The following PON2 variants were observed in gnomAD, a reference collection of about 807,000 sequenced individuals.
The protein encoded by PON2 is paraoxonase 2, also known as serum paraoxonase/arylesterase 2.
PON2 carries 27 observed loss-of-function variants against 36.6 expected under a neutral mutation model. That is an observed-to-expected ratio of 0.74 (90% CI 0.54 to 1.02). The LOEUF is 1.02. Among genes scored for constraint, PON2 ranks in the 50% least tolerant of loss-of-function variants. PON2 has a pLI of 0.00. For missense variants in PON2, 363 were observed against 421.1 expected (o/e 0.86, Z 1.21); for synonymous variants, 149 against 156.3 (o/e 0.95, Z 0.35).
chr7:95,416,186 C>T, intron 3 of PON2, 56 bp downstream of exon 3: 5 of 1,611,258 alleles, frequency 3.1e-6, no homozygotes, highest in Admixed American at 3.3e-5. Flanking sequence ...CTGCAGCCCT[C>T]ATCAAATACC....
Position 95,410,003 on chromosome 7 carries a change from T to A in PON2, c.593A>T (p.Asn198Ile). Reference protein sequence around the residue: ...PFLKYLETYLNLHWANVVYYS... With the variant: ...PFLKYLETYLILHWANVVYYS... The stretch of plus-strand genomic sequence containing the variant: ...GTAAACAACATTTGCCCAGTGTAAG[T>A]TCAAGTATGTTTCTAAATACTTTAA... The change falls in exon 6 of 9, where the codon AAC becomes ATC. Residue 198 changes from asparagine (N) to isoleucine (I), a missense_variant. Asn to Ile is a moderately radical substitution (Grantham distance 149). Transcript: ENST00000222572. 1.2e-6 allele frequency: 2 copies of A among 1,613,764 alleles called. No homozygotes were observed. Among genetic ancestry groups the A allele is most frequent in the Non-Finnish European group, 1.7e-6 (2 of 1,179,786 alleles).
Position 95,410,082 on chromosome 7 carries a change from C to G in PON2, c.514G>C (p.Val172Leu), listed in dbSNP as rs17876152. 3,340 of 1,613,490 alleles carry G rather than the reference C, an allele frequency of 2.1e-3. 58 individuals carry two copies. In the African/African-American group the frequency reaches 0.036, roughly 17 times the overall value. ...LLPSVNDITAVGPAHFYATND... is the reference protein window; with the variant it reads ...LLPSVNDITALGPAHFYATND... ...GTGGCATAGAAATGTGCCGGTCCAA[C>G]AGCTGTGATGTCATTCACACTGAAA... The change falls in exon 6 of 9, where the codon GTT becomes CTT. Residue 172 changes from valine to leucine, a missense_variant. Val to Leu is a conservative substitution (Grantham distance 32). Coordinates refer to ENST00000222572, the MANE Select transcript of PON2 (RefSeq NM_000305.3).
In PON2 at chr7:95,406,151, C is replaced by T. The variant is rs773638997; in HGVS notation, c.874G>A (p.Val292Met). Residue 292 changes from valine (V) to methionine (M), a missense_variant, in exon 8 of 9, where the codon GTG becomes ATG. Transcript: ENST00000222572. ...GCHPNGQKLF[V>M]YDPNNPPSSE... ...GAGGGAGGATTGTTCGGGTCATACACGAAGAGCTTCTGGCCATTAGGATGA... is the reference window on the plus strand; with the variant it reads ...GAGGGAGGATTGTTCGGGTCATACATGAAGAGCTTCTGGCCATTAGGATGA... The T allele has an allele frequency of 5.6e-6, 9 of 1,613,672 alleles. No individual in the cohort carries two copies. In the Admixed American group the frequency reaches 6.7e-5, roughly 12 times the overall value.
intron 1 of PON2, among the ~76,000 whole-genome samples, chr7:95,432,228 A>T (rs562053093): frequency 1.1e-4 from 16 of 152,268 alleles, no homozygotes; most frequent in African/African-American, 3.9e-4. Flanking sequence ...TGGGCAACAA[A>T]GTGAGACCCT....
chr7:95,417,998 C>T (rs1789110469), intron 2 of PON2, among the ~76,000 whole-genome samples: 1 of 151,808 alleles, frequency 6.6e-6, no homozygotes, highest in African/African-American at 2.4e-5. Flanking sequence ...TAAAAAAATA[C>T]ATTTATTTCA....
chr7:95,411,925 T>C, intron 4 of PON2, 146 bp from the exon 5 acceptor site: 1 of 868,912 alleles, frequency 1.2e-6, no homozygotes, highest in Non-Finnish European at 1.8e-6. Flanking sequence ...GTCTTTCCTA[T>C]TGCTGTCCGT....
chr7:95,429,208 G>A (rs1475735531), intron 1 of PON2, among the ~76,000 whole-genome samples: 28 of 108,252 alleles, frequency 2.6e-4, no homozygotes, highest in Admixed American at 1.5e-3. Flanking sequence ...AAGAGGCCCC[G>A]GTGTGTGATG....
chr7:95,417,842 C>CTTACACAT (rs1585754719), intron 2 of PON2, among the ~76,000 whole-genome samples: 7 of 83,156 alleles, frequency 8.4e-5, no homozygotes, highest in African/African-American at 1.4e-4. Context: ...CAAGTATACA[C>CTTACACAT]GTGGAAAAAG....
chr7:95,406,960 G>T, intron 7 of PON2, 27 bp downstream of exon 7: 1 of 1,316,866 alleles, frequency 7.6e-7, no homozygotes, highest in South Asian at 1.2e-5. Flanking sequence ...ATAGATTACT[G>T]TCTATATGTA....
chr7:95,421,933 T>A (rs1176371010), intron 2 of PON2, among the ~76,000 whole-genome samples: 3 of 152,226 alleles, frequency 2.0e-5, no homozygotes, highest in Non-Finnish European at 2.9e-5. Flanking sequence ...TGAATGTGGT[T>A]ACAACTATGA....
chr7:95,433,001 C>G (rs1369639155), intron 1 of PON2, among the ~76,000 whole-genome samples: 2 of 152,190 alleles, frequency 1.3e-5, no homozygotes, highest in African/African-American at 4.8e-5. Flanking sequence ...TGTCTGCTCT[C>G]TATTCTAGTA....
intron 1 of PON2, among the ~76,000 whole-genome samples, chr7:95,430,975 A>G (rs1360335418): frequency 6.6e-6 from 1 of 151,542 alleles, no homozygotes; most frequent in Admixed American, 6.6e-5. Flanking sequence ...GGGAATTGTC[A>G]TAAAAGGTGC....
intron 2 of PON2, among the ~76,000 whole-genome samples, chr7:95,420,323 T>C (rs996554062): frequency 1.2e-4 from 19 of 152,310 alleles, no homozygotes; most frequent in Non-Finnish European, 2.5e-4. Context: ...CACTCAAATT[T>C]TGAAGGCCAG....
At chr7:95,423,547 T>C (rs564084199) in intron 2 of PON2, among the ~76,000 whole-genome samples, 2 of 152,130 alleles carry the variant, frequency 1.3e-5, no homozygotes, top group Admixed American at 6.5e-5. Flanking sequence ...TCCTTATCTA[T>C]AGCAAAATTG....
chr7:95,405,936 A>G (rs887677811), intron 8 of PON2, among the ~76,000 whole-genome samples, 183 bp downstream of exon 8: 4 of 152,230 alleles, frequency 2.6e-5, no homozygotes, highest in African/African-American at 9.6e-5. Context: ...TACCTTTCTT[A>G]AAGTATTTGA....
intron 6 of PON2, among the ~76,000 whole-genome samples, chr7:95,408,920 G>C (rs974644075): frequency 6.6e-6 from 1 of 152,196 alleles, no homozygotes; most frequent in Non-Finnish European, 1.5e-5. Flanking sequence ...CTGTTCTACA[G>C]AAAAGTAGCT....
intron 1 of PON2, among the ~76,000 whole-genome samples, chr7:95,426,641 C>G (rs1005290458): frequency 1.3e-5 from 2 of 152,184 alleles, no homozygotes; most frequent in African/African-American, 4.8e-5. Flanking sequence ...CTTGGCAGGT[C>G]AGTTAATCTC....
chr7:95,417,561 T>C (rs941196014), intron 2 of PON2, among the ~76,000 whole-genome samples: 1 of 152,060 alleles, frequency 6.6e-6, no homozygotes, highest in African/African-American at 2.4e-5. Context: ...GAGACTGTGA[T>C]TCCCCCAAAA....
Position 95,424,560 on chromosome 7 carries a change from C to A in PON2, c.100G>T (p.Val34Leu). ...CAGTGTGGAAGGTCTACAGATTCTA[C>A]TTCTCTGGAGGCTTTAAGTCGATTT... ...LRNRLKASRE[V>L]ESVDLPHCHL... The change falls in exon 2 of 9, where the codon GTA (valine) becomes TTA (leucine). Residue 34 changes from valine (V) to leucine (L), a missense_variant. By Grantham distance (32) the Val-to-Leu change is conservative (BLOSUM62 1). Transcript: ENST00000222572. 6.2e-7 allele frequency: 1 copy of A among 1,613,160 alleles called. No homozygotes were observed. The highest frequency in any genetic ancestry group is 1.7e-5 in the Admixed American group (1 of 59,974).
Sources: allele counts gnomAD v4.1 joint callset (sites outside exome capture counted in the v4.1 genomes callset), GRCh38; gene constraint gnomAD v4.1.1; transcripts MANE v1.5; gene names NCBI Gene and HGNC (gene_info 2026-07-23, HGNC 2026-07-21).